The following P4HA3 variants were observed in gnomAD, a reference collection of about 807,000 sequenced individuals.
The protein encoded by P4HA3 is prolyl 4-hydroxylase subunit alpha 3, also known as prolyl 4-hydroxylase subunit alpha-3.
Under a neutral mutation model 66.7 loss-of-function variants are expected in P4HA3, and 60 were observed. The observed-to-expected ratio is 0.90, with a 90% CI of 0.73 to 1.12. The LOEUF (loss-of-function observed/expected upper bound fraction) is 1.12. P4HA3 is among the 50% of genes most tolerant of loss of function. P4HA3 has a pLI of 0.00. For synonymous variants in P4HA3, 263 were observed against 274.6 expected (o/e 0.96, Z 0.42); for missense variants, 683 against 685.8 (o/e 1.00, Z 0.05).
intron 4 of P4HA3, among the ~76,000 whole-genome samples, chr11:74,293,681 G>A: frequency 6.6e-6 from 1 of 152,184 alleles, no homozygotes; most frequent in Non-Finnish European, 1.5e-5. Flanking sequence ...GTCTGTAAAG[G>A]ATTTTATTTC....
intron 4 of P4HA3, among the ~76,000 whole-genome samples, chr11:74,293,125 T>C (rs1439182330): frequency 6.6e-6 from 1 of 152,096 alleles, no homozygotes; most frequent in African/African-American, 2.4e-5. Flanking sequence ...TGAATCTGGG[T>C]GCTCCTGTAT....
In P4HA3 at chr11:74,279,453, C is replaced by T; in HGVS notation, c.1111-1G>A. On this transcript the variant is annotated splice_acceptor_variant, in intron 7 of 12. Transcript: ENST00000331597. LOFTEE classifies it high-confidence loss of function. ...CTGATGCCACCACTGACCTCTGTAG[C>T]TGGTGGGAAGAATGTAAGACAAAGT... 6.2e-7 allele frequency: 1 copy of T among 1,613,814 alleles called. No individual in the cohort carries two copies. The highest frequency in any genetic ancestry group is 8.5e-7 in the Non-Finnish European group (1 of 1,179,764).
downstream of P4HA3, among the ~76,000 whole-genome samples, chr11:74,265,312 C>T (rs116885817): frequency 0.011 from 1,729 of 152,270 alleles, 18 homozygotes; most frequent in Non-Finnish European, 0.018. Flanking sequence ...TCCTGGTGTG[C>T]TCTGCAGAAA....
At chr11:74,251,617 A>C in intron 15 of P4HA3, 1 of 1,608,884 alleles carries the variant, frequency 6.2e-7, no homozygotes. Flanking sequence ...ACTAACCTTT[A>C]TATGGCCTGG....
chr11:74,310,891 C>A (rs1861719336), intron 1 of P4HA3, among the ~76,000 whole-genome samples: 1 of 152,176 alleles, frequency 6.6e-6, no homozygotes, highest in South Asian at 2.1e-4. Context: ...ACGATCCCCC[C>A]TTGAAAGGTC....
At position 74,311,483 on chromosome 11, in the gene P4HA3, G is replaced by C. The variant is rs1861747325; in HGVS notation, c.129C>G (p.Pro43=). Residue 43 remains proline (P), a synonymous_variant, in exon 1 of 13, where the codon CCC becomes CCG. Coordinates refer to ENST00000331597, the MANE Select transcript of P4HA3 (RefSeq NM_182904.5). ...TCAGCAGCCCCAGCAGCCGGCGCTCGGGCGCCAGGGCGCGCGCCACGCTGG... is the reference window on the plus strand; with the variant it reads ...TCAGCAGCCCCAGCAGCCGGCGCTCCGGCGCCAGGGCGCGCGCCACGCTGG... ...ALTSVARALA[P]ERRLLGLLRR... is the part of the protein sequence containing the mutation. 8.5e-6 allele frequency: 13 copies of C among 1,532,888 alleles called. No homozygotes were observed. The highest frequency in any genetic ancestry group is 2.5e-5 in the East Asian group (1 of 40,230). The allele number at this position is 1,532,888 out of a possible 1,614,324, so 95.0% of individuals were successfully genotyped here. A position where few individuals can be genotyped will look rare whatever the true frequency, so the allele number is the denominator to read the frequency against.
rs1016368846 is a variant in P4HA3, at chr11:74,279,582, A to G, written c.1111-130T>C. The G allele has an allele frequency of 1.1e-5, 9 of 826,392 alleles. No individual in the cohort carries two copies. The African/African-American group carries it at 1.3e-4, about 12-fold the overall frequency. The allele number at this position is 826,392 out of a possible 1,614,324, so 51.2% of individuals were successfully genotyped here. A position where few individuals can be genotyped will look rare whatever the true frequency, so the allele number is the denominator to read the frequency against. ...GCCAGTTCCTCCTTAATTAGAGGAC[A>G]TTTTGCATGTGGGACTAATTTAGTG... is the stretch of plus-strand genomic sequence containing the variant. On this transcript the variant is annotated intron_variant, in intron 7 of 12. Transcript: ENST00000331597.
In P4HA3 at chr11:74,266,714, A is replaced by G. The variant is rs750658252; in HGVS notation, c.*534T>C. ...AAAACCATCATACAAAAAGAAAAGA[A>G]AGTTGTTTTCAACTTAAAAAAAATC... is the stretch of plus-strand genomic sequence containing the variant. On this transcript the variant is annotated 3_prime_UTR_variant, in exon 13 of 13. Transcript: ENST00000331597. 2 of 211,558 alleles carry G rather than the reference A, an allele frequency of 9.5e-6. No homozygotes were observed. Among genetic ancestry groups the G allele is most frequent in the Non-Finnish European group, 1.9e-5 (2 of 105,588 alleles). 13.1% of individuals were successfully genotyped at this position (211,558 alleles called of 1,614,324 possible).
At chr11:74,285,163 T>G (rs1029897016) in intron 7 of P4HA3, among the ~76,000 whole-genome samples, 1 of 152,128 alleles carries the variant, frequency 6.6e-6, no homozygotes, top group African/African-American at 2.4e-5. Context: ...TATCTTATTG[T>G]ACTACACTGA....
chr11:74,256,175 T>C (rs755034133), intron 15 of P4HA3, among the ~76,000 whole-genome samples: 1 of 152,196 alleles, frequency 6.6e-6, no homozygotes, highest in Non-Finnish European at 1.5e-5. Flanking sequence ...CAAAACTGGC[T>C]TGCTTCCACA....
intron 3 of P4HA3, among the ~76,000 whole-genome samples, chr11:74,299,448 T>C (rs1311177645): frequency 1.3e-5 from 2 of 152,204 alleles, no homozygotes; most frequent in East Asian, 3.8e-4. Context: ...ACCTGTTGTT[T>C]TATTTTTCTG....
intron 5 of P4HA3, chr11:74,287,055 G>A: frequency 2.7e-6 from 3 of 1,131,120 alleles, no homozygotes; most frequent in Non-Finnish European, 3.3e-6. Flanking sequence ...TTTGGCTCTA[G>A]ACTGGATTCC....
intron 15 of P4HA3, chr11:74,259,886 G>A (rs1219684232): frequency 1.3e-5 from 2 of 152,164 alleles, no homozygotes; most frequent in Non-Finnish European, 1.5e-5. Flanking sequence ...TATGACCATG[G>A]GTGTACAGCT....
chr11:74,280,007 A>G (rs1179606544), intron 7 of P4HA3, among the ~76,000 whole-genome samples: 1 of 152,220 alleles, frequency 6.6e-6, no homozygotes, highest in East Asian at 1.9e-4. Context: ...AAATTGATAT[A>G]TAATAGTTAC....
At chr11:74,268,619 C>A (rs545670349) in intron 11 of P4HA3, among the ~76,000 whole-genome samples, 2 of 152,324 alleles carry the variant, frequency 1.3e-5, no homozygotes, top group African/African-American at 4.8e-5. Flanking sequence ...CAAGGTGGAA[C>A]AAAATATTCC....
chr11:74,286,121 T>C, intron 6 of P4HA3, 107 bp downstream of exon 6: 1 of 1,487,196 alleles, frequency 6.7e-7, no homozygotes, highest in African/African-American at 1.4e-5. Context: ...CCAAGTGAGC[T>C]TTATTGTTTT....
chr11:74,264,093 CATA>C (rs1208155544), downstream of P4HA3, among the ~76,000 whole-genome samples: 3 of 152,152 alleles, frequency 2.0e-5, no homozygotes, highest in Non-Finnish European at 4.4e-5. Context: ...ATTAGGCAAA[CATA>C]ATAATTAGTG....
intron 4 of P4HA3, among the ~76,000 whole-genome samples, chr11:74,293,392 CTT>C (rs1316113504): frequency 6.6e-6 from 1 of 152,192 alleles, no homozygotes; most frequent in African/African-American, 2.4e-5. Flanking sequence ...GGTCATGACT[CTT>C]TATCCAATTT....
chr11:74,252,462 A>T, intron 15 of P4HA3: 1 of 456,166 alleles, frequency 2.2e-6, no homozygotes, highest in South Asian at 1.6e-5. Flanking sequence ...CAAGCTGGGA[A>T]TGGAATGGGT....
Sources: allele counts gnomAD v4.1 joint callset (sites outside exome capture counted in the v4.1 genomes callset), GRCh38; gene constraint gnomAD v4.1.1; transcripts MANE v1.5; gene names NCBI Gene and HGNC (gene_info 2026-07-23, HGNC 2026-07-21).